The following PRRC2C variants were observed in gnomAD, a reference collection of about 807,000 sequenced individuals.
PRRC2C encodes the protein protein PRRC2C.
Under a neutral mutation model 317.2 loss-of-function variants are expected in PRRC2C, and 72 were observed. The observed-to-expected ratio is 0.23, with a 90% CI of 0.19 to 0.28. The LOEUF is 0.28. Among genes scored for constraint, PRRC2C ranks in the 10% least tolerant of loss-of-function variants. The pLI is 1.00. For synonymous variants in PRRC2C, 1,296 were observed against 1,205.9 expected, an observed-to-expected ratio of 1.07 and a Z score of -1.55; for missense variants, 3,074 against 3,459.7, an observed-to-expected ratio of 0.89 and a Z score of 2.80.
intron 1 of PRRC2C, among the ~76,000 whole-genome samples, chr1:171,504,894 A>T (rs567419086): frequency 1.3e-5 from 2 of 152,190 alleles, no homozygotes; most frequent in African/African-American, 2.4e-5. Flanking sequence ...ACATCTTAAT[A>T]TTGGGTCTTG....
intron 1 of PRRC2C, among the ~76,000 whole-genome samples, chr1:171,501,210 C>G (rs1197396983): frequency 6.6e-6 from 1 of 151,184 alleles, no homozygotes; most frequent in Non-Finnish European, 1.5e-5. Context: ...TTCACTACAG[C>G]TTTGACCTCC....
chr1:171,566,572 T>C lies in PRRC2C; in HGVS notation c.6307-20T>C, dbSNP rs1399508214. The stretch of plus-strand genomic sequence containing the variant: ...CTCATCTATCATAAACATAGTTTTA[T>C]CATAAACATTTGACTTTAGCTTCCA... On this transcript the variant is annotated intron_variant, in intron 21 of 34. Transcript: ENST00000647382. 2.3e-5 allele frequency: 36 copies of C among 1,542,250 alleles called. No homozygotes were observed. The highest frequency in any genetic ancestry group is 3.0e-5 in the Non-Finnish European group (34 of 1,146,978).
intron 24 of PRRC2C, among the ~76,000 whole-genome samples, chr1:171,573,560 AG>A (rs1358781205): frequency 3.9e-5 from 6 of 152,198 alleles, no homozygotes; most frequent in African/African-American, 1.4e-4. Context: ...CAAATATAAA[AG>A]TTCTGTATTT....
chr1:171,517,587 C>G lies in PRRC2C; in HGVS notation c.527-4C>G, dbSNP rs1441110529. 1 of 1,610,548 alleles carries G rather than the reference C, an allele frequency of 6.2e-7. No homozygotes were observed. Among genetic ancestry groups the G allele is most frequent in the Admixed American group, 1.7e-5 (1 of 59,680 alleles). On this transcript the variant is annotated splice_region_variant and splice_polypyrimidine_tract_variant and intron_variant, in intron 5 of 34. Coordinates refer to ENST00000647382, the MANE Select transcript of PRRC2C (RefSeq NM_001387844.1). The stretch of plus-strand genomic sequence containing the variant: ...TTTTCCTTTTTTCTCTGCCTTCATA[C>G]TAGATGTTGCTTGTTGGAGAGATGG...
chr1:171,585,445 G>C (rs912332848), intron 30 of PRRC2C, among the ~76,000 whole-genome samples: 1 of 53,320 alleles, frequency 1.9e-5, no homozygotes, highest in African/African-American at 6.0e-5. Context: ...GAGGGCTGGT[G>C]GGGGAACAAA....
chr1:171,499,764 A>T (rs1668756688), intron 1 of PRRC2C, among the ~76,000 whole-genome samples: 1 of 152,196 alleles, frequency 6.6e-6, no homozygotes, highest in African/African-American at 2.4e-5. Flanking sequence ...AGATCGTGCC[A>T]CTGCACTCCA....
chr1:171,514,478 T>C, intron 3 of PRRC2C, 58 bp from the exon 4 acceptor site: 1 of 1,312,398 alleles, frequency 7.6e-7, no homozygotes, highest in Non-Finnish European at 1.1e-6. Flanking sequence ...TTAAATATAA[T>C]ATTGATTTTA....
intron 15 of PRRC2C, among the ~76,000 whole-genome samples, chr1:171,539,473 CTTACCTTTACCTATATTTCCTATAT>C (rs1170078510): frequency 2.6e-5 from 4 of 152,136 alleles, no homozygotes; most frequent in Non-Finnish European, 5.9e-5. Context: ...ATTTCCTATT[CTTACCTTTACCTATATTTCCTATAT>C]TTACCTTTAC....
intron 25 of PRRC2C, 104 bp downstream of exon 25, chr1:171,575,232 C>T (rs1269027371): frequency 4.4e-6 from 5 of 1,137,480 alleles, no homozygotes; most frequent in Admixed American, 4.8e-5. Context: ...TAGTAATATT[C>T]AATCTTCCCA....
chr1:171,540,812 C>G lies in PRRC2C; in HGVS notation c.3346C>G (p.Gln1116Glu), dbSNP rs763278573. Residue 1116 changes from glutamine to glutamate, a missense_variant, in exon 16 of 35, where the codon CAG (glutamine) becomes GAG (glutamate). Around this residue, in one of 11 missense-constraint regions of PRRC2C, gnomAD observed 1,320 missense variants for 1,395.7 expected, o/e 0.95. Transcript: ENST00000647382. The part of the protein sequence containing the change: ...EKPLEPVSTV[Q>E]VEPAVKTVNQ... The stretch of plus-strand genomic sequence containing the variant: ...GCCTCTGGAACCTGTGAGTACTGTT[C>G]AGGTAGAGCCTGCAGTTAAGACTGT... 19 of 1,613,808 alleles carry G rather than the reference C, an allele frequency of 1.2e-5. No homozygotes were observed. The highest frequency in any genetic ancestry group is 1.6e-5 in the Non-Finnish European group (19 of 1,179,844).
chr1:171,587,842 C>G (rs572436989), intron 32 of PRRC2C, 91 bp downstream of exon 32: 62 of 747,998 alleles, frequency 8.3e-5, no homozygotes, highest in Admixed American at 1.7e-4. Context: ...AATCCCTTTT[C>G]CAAGCAGAAA....
rs932498676 is a variant in PRRC2C at position 171,535,492 on chromosome 1, G to A, written c.1938G>A (p.Val646=). The change falls in exon 13 of 35, where the codon GTG becomes GTA. Residue 646 remains valine (V), a synonymous_variant. Transcript: ENST00000647382. ...NRSEKEATPV[V]HETEPESGSQ... ...GTGAAAAGGAAGCCACACCAGTGGT[G>A]CATGAAACAGAACCAGAATCAGGGT... The A allele has an allele frequency of 6.2e-7, 1 of 1,613,888 alleles. No individual in the cohort carries two copies. The highest frequency in any genetic ancestry group is 1.7e-5 in the Admixed American group (1 of 60,002).
At chr1:171,521,906 A>G (rs1038842093) in intron 6 of PRRC2C, among the ~76,000 whole-genome samples, 1 of 152,328 alleles carries the variant, frequency 6.6e-6, no homozygotes, top group Admixed American at 6.5e-5. Flanking sequence ...TCTTGTTGAT[A>G]GTTACTTTAA....
At chr1:171,546,127 A>G (rs1679082363) in intron 17 of PRRC2C, among the ~76,000 whole-genome samples, 1 of 152,214 alleles carries the variant, frequency 6.6e-6, no homozygotes, top group Admixed American at 6.5e-5. Context: ...CAAATACAGA[A>G]TAAATAATAG....
In PRRC2C at chr1:171,540,058, T is replaced by G; in HGVS notation, c.2592T>G (p.Phe864Leu). Reference protein sequence around the residue: ...NQLEAHPKADFIRESSEAQVQ... With the variant: ...NQLEAHPKADLIRESSEAQVQ... ...TAGAGGCTCACCCAAAGGCAGACTT[T>G]ATCAGAGAATCAAGTGAGGCACAAG... The change falls in exon 16 of 35, where the codon TTT (phenylalanine) becomes TTG (leucine). Residue 864 changes from phenylalanine (F) to leucine (L), a missense_variant. Physicochemically the swap from Phe to Leu is conservative, Grantham distance 22 (BLOSUM62 0). This residue lies in a region of PRRC2C where 1,320 missense variants were observed against 1,395.7 expected (regional missense o/e 0.95). Transcript: ENST00000647382. 1 of 1,613,938 alleles carries G rather than the reference T, an allele frequency of 6.2e-7. No individual in the cohort carries two copies.
At chr1:171,530,318 A>G (rs1408219191) in intron 11 of PRRC2C, among the ~76,000 whole-genome samples, 1 of 130,658 alleles carries the variant, frequency 7.7e-6, no homozygotes, top group Non-Finnish European at 1.5e-5. Context: ...ATCTCAGCTC[A>G]TTGCAGCCTA....
At chr1:171,503,238 T>G (rs1474504988) in intron 1 of PRRC2C, among the ~76,000 whole-genome samples, 2 of 152,010 alleles carry the variant, frequency 1.3e-5, no homozygotes, top group African/African-American at 4.8e-5. Flanking sequence ...TAAATGTGTT[T>G]GTAGGCCGGG....
At chr1:171,494,984 T>A (rs936140290) in intron 1 of PRRC2C, among the ~76,000 whole-genome samples, 1 of 152,210 alleles carries the variant, frequency 6.6e-6, no homozygotes. Flanking sequence ...TTTGGGTTAT[T>A]TGGCAAATTG....
chr1:171,561,198 G>A (rs1430650606), intron 20 of PRRC2C, 95 bp downstream of exon 20: 4 of 1,203,468 alleles, frequency 3.3e-6, no homozygotes, highest in Admixed American at 1.7e-5. Context: ...ATCCTAGCGT[G>A]GTGGGAGGGT....
Sources: gnomAD v4.1 joint callset for allele counts (sites outside exome capture counted in the v4.1 genomes callset) on GRCh38, gnomAD v4.1.1 for gene constraint, gnomAD v4.1.1 regional missense constraint, MANE v1.5 for transcripts, NCBI Gene and HGNC (gene_info 2026-07-23, HGNC 2026-07-21) for gene names.